Variants in SLC8A3 observed in about 807,000 individuals in gnomAD.
SLC8A3 encodes solute carrier family 8 member A3, also known as sodium/calcium exchanger 3.
SLC8A3 carries 37 observed loss-of-function variants against 65.4 expected under a neutral mutation model. That is an observed-to-expected ratio of 0.57 (90% CI 0.44 to 0.74). The LOEUF (loss-of-function observed/expected upper bound fraction) is 0.74, where lower values mean the gene tolerates loss of function less well. SLC8A3 is among the 30% of genes least tolerant of loss of function. The pLI is 0.00. For synonymous variants in SLC8A3, 461 were observed against 444.5 expected, an observed-to-expected ratio of 1.04 and a Z score of -0.47; for missense variants, 1,112 against 1,172.1, an observed-to-expected ratio of 0.95 and a Z score of 0.75.
At chr14:70,066,199 T>C (rs1566750211) in intron 2 of SLC8A3, among the ~76,000 whole-genome samples, 1 of 152,230 alleles carries the variant, frequency 6.6e-6, no homozygotes, top group Non-Finnish European at 1.5e-5. Context: ...AGGGCATCAC[T>C]GTTGGGACTT....
chr14:70,078,023 C>G (rs1461324334), intron 2 of SLC8A3, among the ~76,000 whole-genome samples: 1 of 152,176 alleles, frequency 6.6e-6, no homozygotes, highest in Non-Finnish European at 1.5e-5. Context: ...GAGGTGATGA[C>G]CAGCTGACAG....
chr14:70,147,039 C>T (rs762211079), intron 2 of SLC8A3, among the ~76,000 whole-genome samples: 10 of 152,102 alleles, frequency 6.6e-5, no homozygotes, highest in Non-Finnish European at 1.5e-4. Flanking sequence ...AGGAGCAACG[C>T]TTTAGGATTC....
At chr14:70,179,563 C>G (rs954007854) in intron 1 of SLC8A3, among the ~76,000 whole-genome samples, 1 of 152,104 alleles carries the variant, frequency 6.6e-6, no homozygotes, top group Non-Finnish European at 1.5e-5. Context: ...ATGGTTAAAG[C>G]CAATGACCTC....
chr14:70,048,619 T>A, intron 6 of SLC8A3, 148 bp downstream of exon 6: 1 of 735,194 alleles, frequency 1.4e-6, no homozygotes, highest in Non-Finnish European at 2.4e-6. Context: ...TCATTATTCA[T>A]CTCTTTGATT....
intron 2 of SLC8A3, among the ~76,000 whole-genome samples, chr14:70,088,764 T>C (rs1393547431): frequency 2.0e-5 from 3 of 152,136 alleles, no homozygotes. Flanking sequence ...CAAAGCTTCT[T>C]CTCCTCCTTT....
intron 3 of SLC8A3, among the ~76,000 whole-genome samples, chr14:70,056,981 G>T (rs765592656): frequency 6.6e-6 from 1 of 152,160 alleles, no homozygotes; most frequent in Non-Finnish European, 1.5e-5. Context: ...TCTGGGAAGA[G>T]CTTGCCACAT....
chr14:70,163,433 C>G (rs1896992598), intron 2 of SLC8A3, among the ~76,000 whole-genome samples: 1 of 152,174 alleles, frequency 6.6e-6, no homozygotes, highest in South Asian at 2.1e-4. Flanking sequence ...GAGCACAGGC[C>G]TGGCCTCAAC....
In SLC8A3 at chr14:70,046,366, G is replaced by A; in HGVS notation, c.2390-43C>T. ...CACATGGGAACTGGTAGGAGGCTAA[G>A]GTGTGCAGGGCTTGTCTTCCAGTAT... On this transcript the variant is annotated intron_variant, in intron 6 of 6. Transcript: ENST00000356921. This position sits in a 1 kb window ranked among gnomAD's most constrained non-coding sequence, Gnocchi z 4.2. The A allele has an allele frequency of 6.4e-7, 1 of 1,553,504 alleles. No homozygotes were observed. The highest frequency in any genetic ancestry group is 8.7e-7 in the Non-Finnish European group (1 of 1,148,166).
chr14:70,071,668 C>T (rs954788417), intron 2 of SLC8A3, among the ~76,000 whole-genome samples: 3 of 152,178 alleles, frequency 2.0e-5, no homozygotes, highest in Admixed American at 6.5e-5. Flanking sequence ...TTCAGTCTCA[C>T]GAGAACTTGG....
At position 70,163,550 on chromosome 14, in the gene SLC8A3, A is replaced by G. The variant is rs58349984; in HGVS notation, c.1784+3089T>C. On this transcript the variant is annotated intron_variant, in intron 2 of 6. Transcript: ENST00000356921. ...GGAGAGATTAGAAAGCAGATGTTCC[A>G]ACTTTGTCCAAGTACCCTGAAGCTA... Among the ~76,000 whole-genome samples the G allele has an allele frequency of 9.4e-3, 1,431 of 152,328 alleles. 19 individuals carry two copies. Among genetic ancestry groups the G allele is most frequent in the African/African-American group, 0.032 (1,314 of 41,576 alleles).
At chr14:70,067,494 A>G (rs1277610557) in intron 2 of SLC8A3, among the ~76,000 whole-genome samples, 1 of 152,244 alleles carries the variant, frequency 6.6e-6, no homozygotes, top group Non-Finnish European at 1.5e-5. Context: ...GACTTGCTAC[A>G]GTAGTCCCAG....
intron 2 of SLC8A3, among the ~76,000 whole-genome samples, chr14:70,151,549 A>G (rs534909096): frequency 1.8e-4 from 27 of 152,348 alleles, no homozygotes; most frequent in Non-Finnish European, 2.8e-4. Context: ...TCGCTCTTCT[A>G]TCAGTCCTTT....
Position 70,061,500 on chromosome 14 carries a change from T to G in SLC8A3, c.1785-561A>C, listed in dbSNP as rs1654626887. Among the ~76,000 whole-genome samples the G allele has an allele frequency of 2.0e-5, 3 of 148,592 alleles. 1 individual carries two copies. In the South Asian group the frequency reaches 6.4e-4, roughly 32 times the overall value. On this transcript the variant is annotated intron_variant, in intron 2 of 6. Transcript: ENST00000356921. ...AAAGAAAATTTTAAAAGAAAAGTAT[T>G]TATGAGGAAGGAAAACCAGACAGAG...
chr14:70,167,874 G>T lies in SLC8A3; in HGVS notation c.549C>A (p.Gly183=). 1 of 1,614,184 alleles carries T rather than the reference G, an allele frequency of 6.2e-7. No homozygotes were observed. Among genetic ancestry groups the T allele is most frequent in the Non-Finnish European group, 8.5e-7 (1 of 1,180,038 alleles). Reference sequence around the variant, plus strand: ...CGTCTGGGATCACGTAGACACAGATGCCAATGATGATGAACATGTTGAAGG... The same window carrying T: ...CGTCTGGGATCACGTAGACACAGATTCCAATGATGATGAACATGTTGAAGG... The part of the protein sequence containing the change: ...SAAFNMFIII[G]ICVYVIPDGE... Residue 183 remains glycine, a synonymous_variant, in exon 2 of 7, where the codon GGC becomes GGA. Coordinates refer to ENST00000356921, the MANE Select transcript of SLC8A3 (RefSeq NM_182932.3).
chr14:70,182,562 G>GATAA (rs139559837), intron 1 of SLC8A3, among the ~76,000 whole-genome samples: 7 of 151,406 alleles, frequency 4.6e-5, no homozygotes, highest in African/African-American at 1.5e-4. Context: ...GAGAGAGAGA[G>GATAA]AGAAAGAGGG....
At chr14:70,134,414 C>T (rs774204843) in intron 2 of SLC8A3, among the ~76,000 whole-genome samples, 1 of 152,138 alleles carries the variant, frequency 6.6e-6, no homozygotes, top group Non-Finnish European at 1.5e-5. Context: ...GCCGTCCATA[C>T]CACTCGCAGT....
chr14:70,164,937 C>T (rs1328761147), intron 2 of SLC8A3, among the ~76,000 whole-genome samples: 1 of 152,194 alleles, frequency 6.6e-6, no homozygotes, highest in Non-Finnish European at 1.5e-5. Flanking sequence ...TTTCTACTTA[C>T]GTTAACAAAT....
chr14:70,119,490 C>T (rs1336706201), intron 2 of SLC8A3, among the ~76,000 whole-genome samples: 4 of 152,154 alleles, frequency 2.6e-5, no homozygotes, highest in Non-Finnish European at 2.9e-5. Flanking sequence ...TGGCAGGTGA[C>T]ATCAGATTTT....
At chr14:70,058,229 G>A (rs1888383236) in intron 3 of SLC8A3, among the ~76,000 whole-genome samples, 1 of 152,202 alleles carries the variant, frequency 6.6e-6, no homozygotes, top group African/African-American at 2.4e-5. Flanking sequence ...CCATGCAGTA[G>A]TGATAATGAA....
Sources: gnomAD v4.1 joint callset for allele counts (sites outside exome capture counted in the v4.1 genomes callset) on GRCh38, gnomAD v4.1.1 for gene constraint, Gnocchi (gnomAD v3.1) non-coding constraint, MANE v1.5 for transcripts, NCBI Gene and HGNC (gene_info 2026-07-23, HGNC 2026-07-21) for gene names.